The following ZYG11B variants were observed in gnomAD, a reference collection of about 807,000 sequenced individuals.
ZYG11B encodes the protein zyg-11 family member B, cell cycle regulator, also known as protein zyg-11 homolog B.
A neutral mutation model predicts 82.4 loss-of-function variants in ZYG11B; 36 were observed. That is an observed-to-expected ratio of 0.44 (90% confidence interval 0.33 to 0.58). The LOEUF (loss-of-function observed/expected upper bound fraction) is 0.58. Ranked by LOEUF, ZYG11B falls within the 20% of genes least tolerant of loss-of-function variation. The pLI is 0.02. For synonymous variants in ZYG11B, 303 were observed against 312.8 expected, an observed-to-expected ratio of 0.97 and a Z score of 0.33; for missense variants, 552 against 895.6, an observed-to-expected ratio of 0.62 and a Z score of 4.90.
In ZYG11B at chr1:52,813,932, A is replaced by T; in HGVS notation, c.1946+20A>T. The T allele has an allele frequency of 6.2e-7, 1 of 1,611,850 alleles. No individual in the cohort carries two copies. The highest frequency in any genetic ancestry group is 1.1e-5 in the South Asian group (1 of 90,958). On this transcript the variant is annotated intron_variant, in intron 12 of 13. Transcript: ENST00000294353. ...ATACAGGTAATTAGTATCATAATTA[A>T]CAGTAAACCAGCAACCTAGTCTAGA...
chr1:52,751,348 T>C (rs201748338), intron 1 of ZYG11B, among the ~76,000 whole-genome samples: 2 of 92,504 alleles, frequency 2.2e-5, no homozygotes, highest in Non-Finnish European at 4.1e-5. Context: ...AAAAAAAAAA[T>C]AGCCAGCGCG....
At position 52,772,124 on chromosome 1, in the gene ZYG11B, GT is replaced by G. The variant is rs545247382; in HGVS notation, c.951+357del. On this transcript the variant is annotated intron_variant, in intron 3 of 13. Transcript: ENST00000294353. ...CTATTTTGAACCATTTACATATATG[GT>G]TTTTTTGTTTTTGTTTTTGTTTTAT... 1,355 of 1,023,078 alleles carry G rather than the reference GT, an allele frequency of 1.3e-3. 9 individuals are homozygous for G. In the African/African-American group the frequency reaches 0.018, roughly 14 times the overall value. 63.4% of individuals were successfully genotyped at this position (1,023,078 alleles called of 1,614,324 possible). A position where few individuals can be genotyped will look rare whatever the true frequency, so the allele number is the denominator to read the frequency against.
chr1:52,787,918 G>C (rs369982545), intron 5 of ZYG11B, among the ~76,000 whole-genome samples: 31 of 152,126 alleles, frequency 2.0e-4, no homozygotes, highest in Non-Finnish European at 4.3e-4. Flanking sequence ...GATTAATTCT[G>C]CTGGCTGGAT....
intron 1 of ZYG11B, among the ~76,000 whole-genome samples, chr1:52,750,558 C>T (rs1378187210): frequency 6.6e-6 from 1 of 152,198 alleles, no homozygotes; most frequent in East Asian, 1.9e-4. Context: ...CAGGTGTGAG[C>T]CATCGTGCCT....
At position 52,822,120 on chromosome 1, in the gene ZYG11B, G is replaced by A. The variant is rs1256975192; in HGVS notation, c.*491G>A. On this transcript the variant is annotated 3_prime_UTR_variant, in exon 14 of 14. Transcript: ENST00000294353. ...TCTTAGTGTGAAAGAAGGGAAATGTGGATCATCTTGTGGAAGCTAATCACT... is the reference window on the plus strand; with the variant it reads ...TCTTAGTGTGAAAGAAGGGAAATGTAGATCATCTTGTGGAAGCTAATCACT... 1 of 152,318 alleles carries A rather than the reference G, an allele frequency of 6.6e-6. No individual in the cohort carries two copies. Among genetic ancestry groups the A allele is most frequent in the Non-Finnish European group, 1.5e-5 (1 of 68,134 alleles). 9.4% of individuals were successfully genotyped at this position (152,318 alleles called of 1,614,324 possible).
intron 8 of ZYG11B, among the ~76,000 whole-genome samples, 167 bp downstream of exon 8, chr1:52,796,951 ATTATATAT>A (rs1450775639): frequency 1.1e-5 from 1 of 95,030 alleles, no homozygotes; most frequent in African/African-American, 4.7e-5. Context: ...ATAATGTATA[ATTATATAT>A]TATATATAAT....
intron 10 of ZYG11B, among the ~76,000 whole-genome samples, chr1:52,803,533 TATA>T (rs760217535): frequency 4.0e-5 from 6 of 151,240 alleles, no homozygotes; most frequent in Admixed American, 6.6e-5. Flanking sequence ...AAAGGAAAAA[TATA>T]ATACGCATAT....
chr1:52,735,834 A>G (rs191108264), intron 1 of ZYG11B, among the ~76,000 whole-genome samples: 1 of 152,274 alleles, frequency 6.6e-6, no homozygotes, highest in East Asian at 1.9e-4. Context: ...ATTGTCTGAG[A>G]CAATAGACCC....
chr1:52,731,215 G>A (rs1458240299), intron 1 of ZYG11B, among the ~76,000 whole-genome samples: 1 of 150,652 alleles, frequency 6.6e-6, no homozygotes. Flanking sequence ...GGAGGCTGCA[G>A]TGTGAGCTGC....
chr1:52,799,186 A>G (rs1645053461), intron 8 of ZYG11B, among the ~76,000 whole-genome samples: 1 of 151,984 alleles, frequency 6.6e-6, no homozygotes, highest in Non-Finnish European at 1.5e-5. Context: ...ATAATAATAG[A>G]GATAAGAATG....
intron 2 of ZYG11B, among the ~76,000 whole-genome samples, chr1:52,767,138 TTA>T (rs1320857222): frequency 2.7e-5 from 4 of 150,654 alleles, no homozygotes; most frequent in African/African-American, 7.3e-5. Flanking sequence ...TTTTGTTATT[TTA>T]TGTTGTTTTG....
chr1:52,786,179 TA>T (rs1644910311), intron 5 of ZYG11B, among the ~76,000 whole-genome samples: 1 of 152,162 alleles, frequency 6.6e-6, no homozygotes, highest in Non-Finnish European at 1.5e-5. Context: ...TATTTAATAG[TA>T]TTGAAAATTC....
At chr1:52,776,410 TG>T (rs2149942478) in intron 3 of ZYG11B, among the ~76,000 whole-genome samples, 1 of 149,890 alleles carries the variant, frequency 6.7e-6, no homozygotes, top group Non-Finnish European at 1.5e-5. Context: ...GACAGATGCC[TG>T]TTGTCCCAGT....
chr1:52,788,162 G>A (rs1390184816), intron 5 of ZYG11B, among the ~76,000 whole-genome samples: 4 of 151,954 alleles, frequency 2.6e-5, no homozygotes, highest in African/African-American at 9.7e-5. Context: ...TCCAGGTTAG[G>A]GCCAGATTTG....
intron 4 of ZYG11B, among the ~76,000 whole-genome samples, chr1:52,783,852 G>C (rs930660836): frequency 6.4e-5 from 3 of 46,938 alleles, no homozygotes; most frequent in Non-Finnish European, 1.2e-4. Context: ...GTACATACAC[G>C]TGTGTGTGTA....
In ZYG11B at chr1:52,773,599, CTATATATATATATATA is replaced by C. The variant is rs1204746797; in HGVS notation, c.951+1839_951+1854del. 2.1e-3 allele frequency among the ~76,000 whole-genome samples: 55 copies of C among 26,028 alleles called. 1 individual carries two copies. The highest frequency in any genetic ancestry group is 6.8e-3 in the East Asian group (3 of 442). 17.1% of individuals were successfully genotyped at this position (26,028 alleles called of 152,430 possible). ...ACCTTTTATAGATGTATGCTTTAAA[CTATATATATATATATA>C]TATATATATATATTTTTTTTTTTTT... is the stretch of plus-strand genomic sequence containing the variant. On this transcript the variant is annotated intron_variant, in intron 3 of 13. Transcript: ENST00000294353.
At position 52,779,837 on chromosome 1, in the gene ZYG11B, C is replaced by G. The variant is rs1402093808; in HGVS notation, c.952-16C>G. The G allele has an allele frequency of 6.2e-7, 1 of 1,610,124 alleles. No individual in the cohort carries two copies. Among genetic ancestry groups the G allele is most frequent in the Non-Finnish European group, 8.5e-7 (1 of 1,179,062 alleles). ...AAGAGAGAGAATTCTAAAAGCTAAT[C>G]TGGTTATGTTCACAGGTGTCTGGGG... On this transcript the variant is annotated splice_polypyrimidine_tract_variant and intron_variant, in intron 3 of 13. Coordinates refer to ENST00000294353, the MANE Select transcript of ZYG11B (RefSeq NM_024646.3).
chr1:52,791,572 T>C (rs1472543460), intron 6 of ZYG11B, among the ~76,000 whole-genome samples: 1 of 151,984 alleles, frequency 6.6e-6, no homozygotes, highest in African/African-American at 2.4e-5. Context: ...TTTCACCATG[T>C]TGGCCAGGCT....
At position 52,771,039 on chromosome 1, in the gene ZYG11B, T is replaced by C. The variant is rs536954280; in HGVS notation, c.216T>C (p.Thr72=). The change falls in exon 3 of 14, where the codon ACT becomes ACC. Residue 72 remains threonine, a synonymous_variant. Transcript: ENST00000294353. The surrounding 1 kb of genome is among the most constrained non-coding windows in gnomAD (Gnocchi z 5.4). Reference sequence around the variant, plus strand: ...CCACAGGTCTATTGAATGATGGAACTGTGGGTATTTTTAGGGGCAACCAGA... The same window carrying C: ...CCACAGGTCTATTGAATGATGGAACCGTGGGTATTTTTAGGGGCAACCAGA... ...MAFHGLLNDG[T]VGIFRGNQMR... The C allele has an allele frequency of 5.0e-5, 80 of 1,612,544 alleles. No individual in the cohort carries two copies. Among genetic ancestry groups the C allele is most frequent in the Non-Finnish European group, 6.7e-5 (79 of 1,178,904 alleles).
Sources: gnomAD v4.1 joint callset for allele counts (sites outside exome capture counted in the v4.1 genomes callset) on GRCh38, gnomAD v4.1.1 for gene constraint, Gnocchi (gnomAD v3.1) non-coding constraint, MANE v1.5 for transcripts, NCBI Gene and HGNC (gene_info 2026-07-23, HGNC 2026-07-21) for gene names.